Variants in PTGS2 observed in about 807,000 individuals in gnomAD.
The protein encoded by PTGS2 is prostaglandin-endoperoxide synthase 2.
Under a neutral mutation model 63.8 loss-of-function variants are expected in PTGS2, and 14 were observed. The observed-to-expected ratio is 0.22, with a 90% CI of 0.14 to 0.34. The LOEUF is 0.34. Among genes scored for constraint, PTGS2 ranks in the 10% least tolerant of loss-of-function variants. PTGS2 has a pLI of 1.00. For missense variants in PTGS2, 533 were observed against 738.5 expected (o/e 0.72, Z 3.23); for synonymous variants, 271 against 259.5 (o/e 1.04, Z -0.43).
rs1665729992 is a variant in PTGS2, at chr1:186,673,714, A to G, written c.*639T>C. On this transcript the variant is annotated 3_prime_UTR_variant, in exon 10 of 10. Coordinates refer to ENST00000367468, the MANE Select transcript of PTGS2 (RefSeq NM_000963.4). ...CTACTGATTTTACAGATTTAAATCC[A>G]AGACAGCTTCTTTTTGGTATATGTA... 6.6e-6 allele frequency: 1 copy of G among 152,222 alleles called. No individual in the cohort carries two copies. Among genetic ancestry groups the G allele is most frequent in the African/African-American group, 2.4e-5 (1 of 41,468 alleles). The allele number at this position is 152,222 out of a possible 1,614,324, so 9.4% of individuals were successfully genotyped here. A position where few individuals can be genotyped will look rare whatever the true frequency, so the allele number is the denominator to read the frequency against.
chr1:186,676,356 A>G (rs4648276), intron 7 of PTGS2, 111 bp downstream of exon 7: 178,970 of 1,437,498 alleles, frequency 0.12, 11,827 homozygotes, highest in Middle Eastern at 0.17. Flanking sequence ...TGTATATAGA[A>G]TGTGTGAGTT....
chr1:186,678,506 A>C, intron 3 of PTGS2, 102 bp from the exon 4 acceptor site: 3 of 1,088,394 alleles, frequency 2.8e-6, no homozygotes, highest in Non-Finnish European at 3.8e-6. Context: ...CTGAGGTTGA[A>C]TGTAACTCCA....
At chr1:186,679,491 T>A in intron 1 of PTGS2, 53 bp from the exon 2 acceptor site, 1 of 1,290,824 alleles carries the variant, frequency 7.7e-7, no homozygotes, top group Non-Finnish European at 1.1e-6. Flanking sequence ...AATCTTAATT[T>A]AAACATTTAA....
intron 8 of PTGS2, 109 bp downstream of exon 8, chr1:186,675,789 C>T (rs1180860276): frequency 9.0e-7 from 1 of 1,114,842 alleles, no homozygotes; most frequent in Non-Finnish European, 1.2e-6. Flanking sequence ...ATTTTACTAG[C>T]AATATAACTA....
At chr1:186,678,224 A>ATAGT (rs1487551910) in intron 4 of PTGS2, 37 bp downstream of exon 4, 5 of 1,547,454 alleles carry the variant, frequency 3.2e-6, no homozygotes. Context: ...AGCCCGTCTT[A>ATAGT]TAGTTAATAC....
rs560946853 is a variant in PTGS2 at position 186,673,175 on chromosome 1, A to T, written c.*1178T>A. The T allele has an allele frequency of 6.6e-6, 1 of 152,306 alleles. No homozygotes were observed. The highest frequency in any genetic ancestry group is 6.5e-5 in the Admixed American group (1 of 15,304). The allele number at this position is 152,306 out of a possible 1,614,324, so 9.4% of individuals were successfully genotyped here. ...GAATTGGCTTCAAGACTGAGATAAA[A>T]TTAATGTGTGAAATGAATTTAAGCA... On this transcript the variant is annotated 3_prime_UTR_variant, in exon 10 of 10. Coordinates refer to ENST00000367468, the MANE Select transcript of PTGS2 (RefSeq NM_000963.4).
In PTGS2 at chr1:186,679,347, T is replaced by A. The variant is rs368723361; in HGVS notation, c.144A>T (p.Gly48=). Residue 48 remains glycine, a synonymous_variant, in exon 2 of 10, where the codon GGA becomes GGT. Transcript: ENST00000367468. ...DQYKCDCTRT[G]FYGENCSTPE... ...GTGTTGAGCAGTTTTCTCCATAGAA[T>A]CCTGTCCGGGTACAATCGCACTTAT... 1.9e-6 allele frequency: 3 copies of A among 1,614,038 alleles called. No homozygotes were observed. In the African/African-American group the frequency reaches 4.0e-5, roughly 22 times the overall value.
chr1:186,677,372 T>TA (rs1665800304), intron 5 of PTGS2, among the ~76,000 whole-genome samples: 3 of 152,268 alleles, frequency 2.0e-5, no homozygotes, highest in East Asian at 3.9e-4. Flanking sequence ...CATTTTAAAC[T>TA]AAAAAATACA....
At position 186,676,186 on chromosome 1, in the gene PTGS2, T is replaced by C; in HGVS notation, c.971-2A>G. ...CAATCACAATCTTAATAGTCTCTCC[T>C]ATTTGCACAAAATAAATAATAAAAA... On this transcript the variant is annotated splice_acceptor_variant, in intron 7 of 9. Transcript: ENST00000367468. LOFTEE classifies it high-confidence loss of function. 1 of 1,588,880 alleles carries C rather than the reference T, an allele frequency of 6.3e-7. No homozygotes were observed. The highest frequency in any genetic ancestry group is 8.6e-7 in the Non-Finnish European group (1 of 1,165,726).
At chr1:186,675,039 G>A (rs976608742) in intron 9 of PTGS2, among the ~76,000 whole-genome samples, 3 of 152,096 alleles carry the variant, frequency 2.0e-5, no homozygotes, top group African/African-American at 4.8e-5. Flanking sequence ...TTATCCATGC[G>A]TGCGACGTGA....
In PTGS2 at chr1:186,680,222, C is replaced by T; in HGVS notation, c.52+17G>A. ...GCGTGGAACCGGAGTCCCCGGTGCG[C>T]GGCGCCAGGTACTCACCTGTATGGC... On this transcript the variant is annotated intron_variant, in intron 1 of 9. Coordinates refer to ENST00000367468, the MANE Select transcript of PTGS2 (RefSeq NM_000963.4). 1.9e-6 allele frequency: 3 copies of T among 1,549,616 alleles called. No individual in the cohort carries two copies. Among genetic ancestry groups the T allele is most frequent in the African/African-American group, 1.4e-5 (1 of 73,112 alleles).
chr1:186,674,386 T>A lies in PTGS2; in HGVS notation c.1782A>T (p.Thr594=). The A allele has an allele frequency of 6.2e-7, 1 of 1,613,746 alleles. No homozygotes were observed. ...CAGTCGAACGTTCTTTTAGTAGTAC[T>A]GTGGGATTGATATCATCTAGTCCGG... ...SRSGLDDINP[T]VLLKERSTEL The change falls in exon 10 of 10, where the codon ACA becomes ACT. Residue 594 remains threonine (T), a synonymous_variant. Transcript: ENST00000367468.
rs1665770067 is a variant in PTGS2, at chr1:186,675,884, A to G, written c.1257+14T>C. On this transcript the variant is annotated intron_variant, in intron 8 of 9. Coordinates refer to ENST00000367468, the MANE Select transcript of PTGS2 (RefSeq NM_000963.4). Reference sequence around the variant, plus strand: ...GACTAGTCTTTTGTTTTGGTTTTCAATAATAATGCTTACCCTGCCAGCAAT... The same window carrying G: ...GACTAGTCTTTTGTTTTGGTTTTCAGTAATAATGCTTACCCTGCCAGCAAT... The G allele has an allele frequency of 4.4e-6, 7 of 1,597,632 alleles. No homozygotes were observed. Among genetic ancestry groups the G allele is most frequent in the Non-Finnish European group, 6.0e-6 (7 of 1,170,356 alleles).
chr1:186,678,195 T>A (rs1285103676), intron 4 of PTGS2, 66 bp downstream of exon 4: 3 of 1,454,932 alleles, frequency 2.1e-6, no homozygotes, highest in African/African-American at 2.9e-5. Context: ...AGGTCAATTT[T>A]TTTTTTTGGC....
rs1444610498 is a variant in PTGS2 at position 186,674,667 on chromosome 1, C to G, written c.1501G>C (p.Asp501His). Residue 501 changes from aspartate (D) to histidine (H), a missense_variant, in exon 10 of 10, where the codon GAT becomes CAT. This residue lies in a region of PTGS2 where 219 missense variants were observed against 267.4 expected (regional missense o/e 0.82). Coordinates refer to ENST00000367468, the MANE Select transcript of PTGS2 (RefSeq NM_000963.4). ...ACCATGGTTTCACCAAAGATGGCAT[C>G]TGGCCGAGGCTTTTCTACCAGAAGG... Reference protein sequence around the residue: ...PALLVEKPRPDAIFGETMVEV... With the variant: ...PALLVEKPRPHAIFGETMVEV... The G allele has an allele frequency of 6.2e-7, 1 of 1,614,110 alleles. No individual in the cohort carries two copies. Among genetic ancestry groups the G allele is most frequent in the African/African-American group, 1.3e-5 (1 of 74,946 alleles).
Position 186,677,706 on chromosome 1 carries a change from C to T in PTGS2, c.582G>A (p.Gln194=). The T allele has an allele frequency of 6.2e-7, 1 of 1,613,856 alleles. No individual in the cohort carries two copies. Among genetic ancestry groups the T allele is most frequent in the Non-Finnish European group, 8.5e-7 (1 of 1,179,906 alleles). ...CTCGCTTATGATCTGTCTTGAAAAACTGATGCGTGAAGTGCTGGGCAAAGA... is the reference window on the plus strand; with the variant it reads ...CTCGCTTATGATCTGTCTTGAAAAATTGATGCGTGAAGTGCTGGGCAAAGA... ...FAFFAQHFTH[Q]FFKTDHKRGP... is the part of the protein sequence containing the mutation. The change falls in exon 5 of 10, where the codon CAG becomes CAA. Residue 194 remains glutamine, a synonymous_variant. Coordinates refer to ENST00000367468, the MANE Select transcript of PTGS2 (RefSeq NM_000963.4).
intron 3 of PTGS2, 51 bp from the exon 4 acceptor site, chr1:186,678,455 A>G (rs1390033419): frequency 2.0e-6 from 3 of 1,476,716 alleles, no homozygotes; most frequent in Non-Finnish European, 2.7e-6. Flanking sequence ...TTGTTAAGTA[A>G]ATCAACCATT....
At position 186,672,727 on chromosome 1, in the gene PTGS2, A is replaced by G. The variant is rs1027912147; in HGVS notation, c.*1626T>C. 2.6e-5 allele frequency: 4 copies of G among 152,572 alleles called. No homozygotes were observed. The highest frequency in any genetic ancestry group is 5.9e-5 in the Non-Finnish European group (4 of 67,996). 9.5% of individuals were successfully genotyped at this position (152,572 alleles called of 1,614,324 possible). A position where few individuals can be genotyped will look rare whatever the true frequency, so the allele number is the denominator to read the frequency against. On this transcript the variant is annotated 3_prime_UTR_variant, in exon 10 of 10. Transcript: ENST00000367468. ...GTTTTGTTTTTAAATAAGAAAGGGC[A>G]TTAATTAGAATGGGAACGTAACTTT...
rs201666147 is a variant in PTGS2, at chr1:186,676,796, G to A, written c.723+37C>T. The stretch of plus-strand genomic sequence containing the variant: ...GGGATTTTAAAATATGGGTATAAGC[G>A]GTAATAACTAAGTCTTAATAGTCAA... On this transcript the variant is annotated intron_variant, in intron 6 of 9. Coordinates refer to ENST00000367468, the MANE Select transcript of PTGS2 (RefSeq NM_000963.4). 8 of 1,599,990 alleles carry A rather than the reference G, an allele frequency of 5.0e-6. No homozygotes were observed. The South Asian group carries it at 5.7e-5, about 11-fold the overall frequency.
Sources: allele counts gnomAD v4.1 joint callset (sites outside exome capture counted in the v4.1 genomes callset), GRCh38; gene constraint gnomAD v4.1.1; regional missense constraint gnomAD v4.1.1; transcripts MANE v1.5; gene names NCBI Gene and HGNC (gene_info 2026-07-23, HGNC 2026-07-21).